The following RREB1 variants were observed in gnomAD, a reference collection of about 807,000 sequenced individuals.
RREB1 encodes ras-responsive element-binding protein 1.
RREB1 carries 27 observed loss-of-function variants against 117.8 expected under a neutral mutation model. That is an observed-to-expected ratio of 0.23 (90% CI 0.17 to 0.32). RREB1 has a LOEUF of 0.32. Among genes scored for constraint, RREB1 ranks in the 10% least tolerant of loss-of-function variants. The probability of loss-of-function intolerance (pLI) is 1.00; values close to 1 mark genes in which losing one functional copy is unlikely to be tolerated. For synonymous variants in RREB1, 1,298 were observed against 1,026.7 expected, an observed-to-expected ratio of 1.26 and a Z score of -5.05; for missense variants, 2,577 against 2,378.2, an observed-to-expected ratio of 1.08 and a Z score of -1.74.
At chr6:7,168,575 CAAAGCTCTGGTTT>C (rs1382683721) in intron 1 of RREB1, among the ~76,000 whole-genome samples, 6 of 152,166 alleles carry the variant, frequency 3.9e-5, no homozygotes, top group Non-Finnish European at 7.3e-5. Context: ...GGGCTTAGTT[CAAAGCTCTGGTTT>C]AAAGAATCAT....
Position 7,226,577 on chromosome 6 carries a change from A to T in RREB1, c.818A>T (p.Asn273Ile). Residue 273 changes from asparagine to isoleucine, a missense_variant, in exon 9 of 13, where the codon AAC becomes ATC. Asn to Ile is a moderately radical substitution (Grantham distance 149, BLOSUM62 -3). Transcript: ENST00000379938. ...RDAMGRPFIQ[N>I]NPSIPAGFHD... Reference sequence around the variant, plus strand: ...GCAATGGGCAGACCTTTCATACAGAACAACCCTTCAATTCCTGCTGGCTTC... The same window carrying T: ...GCAATGGGCAGACCTTTCATACAGATCAACCCTTCAATTCCTGCTGGCTTC... 6.2e-7 allele frequency: 1 copy of T among 1,614,188 alleles called. No individual in the cohort carries two copies. The highest frequency in any genetic ancestry group is 1.1e-5 in the South Asian group (1 of 91,086).
chr6:7,224,031 A>G (rs1387948655), intron 8 of RREB1, among the ~76,000 whole-genome samples: 1 of 125,424 alleles, frequency 8.0e-6, no homozygotes, highest in Non-Finnish European at 1.6e-5. Context: ...CAGATTGGAC[A>G]GAATATTTTT....
chr6:7,157,766 G>GA lies in RREB1; in HGVS notation c.-284-18877dup, dbSNP rs77014873. On this transcript the variant is annotated intron_variant, in intron 1 of 12. Transcript: ENST00000379938. The stretch of plus-strand genomic sequence containing the variant: ...AGCAAGACTCTGTCTGTCTCTTTGG[G>GA]AAAAAAAAAAAATCCAACTTACGAG... 4.8e-3 allele frequency among the ~76,000 whole-genome samples: 698 copies of GA among 145,634 alleles called. 7 individuals carry two copies. The highest frequency in any genetic ancestry group is 0.015 in the African/African-American group (608 of 39,860).
intron 9 of RREB1, 43 bp downstream of exon 9, chr6:7,226,699 A>G (rs779385139): frequency 2.6e-5 from 39 of 1,495,692 alleles, no homozygotes; most frequent in Non-Finnish European, 3.5e-5. Flanking sequence ...ACTGCCTTCC[A>G]TGGTCCACAC....
chr6:7,148,876 T>C (rs867488133), intron 1 of RREB1, among the ~76,000 whole-genome samples: 2 of 152,212 alleles, frequency 1.3e-5, no homozygotes, highest in East Asian at 1.9e-4. Flanking sequence ...AAAAAAGTTA[T>C]TCATTAACAG....
At chr6:7,153,371 T>G (rs1457381956) in intron 1 of RREB1, among the ~76,000 whole-genome samples, 2 of 151,050 alleles carry the variant, frequency 1.3e-5, no homozygotes, top group South Asian at 2.1e-4. Context: ...TTACTCTTGC[T>G]CCTCCCTACT....
chr6:7,142,065 A>C (rs1206356081), intron 1 of RREB1, among the ~76,000 whole-genome samples: 2 of 152,140 alleles, frequency 1.3e-5, no homozygotes, highest in Non-Finnish European at 2.9e-5. Flanking sequence ...AAATACAAAA[A>C]TTAGCTGGGC....
intron 11 of RREB1, among the ~76,000 whole-genome samples, chr6:7,243,521 A>G (rs887841895): frequency 4.6e-5 from 7 of 152,220 alleles, no homozygotes; most frequent in African/African-American, 1.7e-4. Context: ...GAGGGCGGGG[A>G]TTTATACAGC....
At chr6:7,226,761 G>C in intron 9 of RREB1, 105 bp downstream of exon 9, 1 of 901,504 alleles carries the variant, frequency 1.1e-6, no homozygotes, top group Non-Finnish European at 1.7e-6. Context: ...TTAAAATGTC[G>C]GTTGGGCTTT....
At chr6:7,142,324 C>T (rs1581441696) in intron 1 of RREB1, among the ~76,000 whole-genome samples, 1 of 152,236 alleles carries the variant, frequency 6.6e-6, no homozygotes, top group Non-Finnish European at 1.5e-5. Flanking sequence ...CGAGAGCCGG[C>T]TCCCATGCCC....
intron 1 of RREB1, among the ~76,000 whole-genome samples, chr6:7,123,082 G>T (rs1761746113): frequency 1.3e-5 from 2 of 152,202 alleles, no homozygotes; most frequent in Middle Eastern, 3.4e-3. Context: ...AGGCTGTGGG[G>T]TATTGGCATG....
At chr6:7,138,559 G>A (rs1382701820) in intron 1 of RREB1, among the ~76,000 whole-genome samples, 1 of 152,202 alleles carries the variant, frequency 6.6e-6, no homozygotes, top group Non-Finnish European at 1.5e-5. Flanking sequence ...TCAAAGTGGT[G>A]GTTGTTATCC....
At chr6:7,202,461 G>A (rs969588064) in intron 6 of RREB1, among the ~76,000 whole-genome samples, 4 of 152,332 alleles carry the variant, frequency 2.6e-5, no homozygotes, top group African/African-American at 9.6e-5. Flanking sequence ...TAGGTGTGGG[G>A]ATTGGGGTGT....
intron 6 of RREB1, among the ~76,000 whole-genome samples, chr6:7,201,307 G>A (rs1311779592): frequency 1.3e-5 from 2 of 152,188 alleles, no homozygotes; most frequent in Non-Finnish European, 1.5e-5. Flanking sequence ...CCTGCAGGGA[G>A]CTGGCAGCAT....
Position 7,189,223 on chromosome 6 carries a change from C to T in RREB1, c.326C>T (p.Ala109Val). The change falls in exon 6 of 13, where the codon GCC (alanine) becomes GTC (valine). Residue 109 changes from alanine to valine, a missense_variant. By Grantham distance (64) the Ala-to-Val change is moderately conservative. Transcript: ENST00000379938. Reference sequence around the variant, plus strand: ...ATCTGCGGAAAGTCACTGAGCTCGGCCAGCTCCCTCGATCGCCACATGCTG... The same window carrying T: ...ATCTGCGGAAAGTCACTGAGCTCGGTCAGCTCCCTCGATCGCCACATGCTG... ...CSICGKSLSS[A>V]SSLDRHMLVH... 6.2e-7 allele frequency: 1 copy of T among 1,613,390 alleles called. No homozygotes were observed.
chr6:7,131,937 C>T (rs1034631145), intron 1 of RREB1, among the ~76,000 whole-genome samples: 5 of 151,846 alleles, frequency 3.3e-5, no homozygotes, highest in African/African-American at 7.3e-5. Context: ...TGGCTCACTG[C>T]GACCTTCACC....
rs567180659 is a variant in RREB1, at chr6:7,165,803, A to G, written c.-284-10852A>G. Among the ~76,000 whole-genome samples, 12 of 151,954 alleles carry G rather than the reference A, an allele frequency of 7.9e-5. No individual in the cohort carries two copies. In the South Asian group the frequency reaches 2.5e-3, roughly 31 times the overall value. ...CCCGGGTATGAAAGAGTTTGAAGGA[A>G]GAGACTGTCCTGCTGGTGTCTATCT... On this transcript the variant is annotated intron_variant, in intron 1 of 12. Transcript: ENST00000379938.
rs368960991 is a variant in RREB1, at chr6:7,246,569, G to A, written c.4119G>A (p.Thr1373=). 7.1e-6 allele frequency: 11 copies of A among 1,549,664 alleles called. No homozygotes were observed. Among genetic ancestry groups the A allele is most frequent in the Non-Finnish European group, 7.8e-6 (9 of 1,147,120 alleles). The change falls in exon 12 of 13, where the codon ACG becomes ACA. Residue 1373 remains threonine (T), a synonymous_variant. Coordinates refer to ENST00000379938, the MANE Select transcript of RREB1 (RefSeq NM_001003699.4). The stretch of plus-strand genomic sequence containing the variant: ...CTGTGGAGCAGGCCACGGCGGAAAC[G>A]GCCTCGCCGGTGCACCGGGAAGAGC... ...DAPVEQATAE[T]ASPVHREEHG... is the part of the protein sequence containing the mutation.
intron 1 of RREB1, among the ~76,000 whole-genome samples, chr6:7,125,178 T>A (rs904995663): frequency 6.6e-6 from 1 of 152,144 alleles, no homozygotes; most frequent in African/African-American, 2.4e-5. Context: ...GTGGTGTTAG[T>A]ACACAAACCA....
Sources: allele counts gnomAD v4.1 joint callset (sites outside exome capture counted in the v4.1 genomes callset), GRCh38; gene constraint gnomAD v4.1.1; transcripts MANE v1.5; gene names NCBI Gene and HGNC (gene_info 2026-07-23, HGNC 2026-07-21).